Variants in KANK1 observed in about 807,000 individuals in gnomAD.
KANK1 encodes KN motif and ankyrin repeat domain-containing protein 1.
Under a neutral mutation model 106.2 loss-of-function variants are expected in KANK1, and 109 were observed. The ratio of observed to expected loss-of-function variants is 1.03; its 90% CI spans 0.88 to 1.20. The LOEUF is 1.20. Among genes scored for constraint, KANK1 ranks in the 50% most tolerant of loss-of-function variants. KANK1 has a pLI of 0.00. For missense variants in KANK1, 2,399 were observed against 1,710.7 expected (o/e 1.40, Z -7.10); for synonymous variants, 873 against 652.2 (o/e 1.34, Z -5.16).
chr9:577,473 A>T (rs182065108), intron 1 of KANK1, among the ~76,000 whole-genome samples: 32 of 151,812 alleles, frequency 2.1e-4, no homozygotes, highest in African/African-American at 4.1e-4. Flanking sequence ...CTTTAGCTAG[A>T]CACAGAGTGC....
chr9:515,869 CCT>C (rs1171062607), intron 1 of KANK1, among the ~76,000 whole-genome samples: 1 of 151,744 alleles, frequency 6.6e-6, no homozygotes, highest in African/African-American at 2.4e-5. Flanking sequence ...TTCAAGGAAA[CCT>C]CACGTGTGGT....
intron 1 of KANK1, among the ~76,000 whole-genome samples, chr9:513,078 A>G (rs1026534105): frequency 6.6e-6 from 1 of 152,224 alleles, no homozygotes; most frequent in Non-Finnish European, 1.5e-5. Flanking sequence ...GCTCTTGTTA[A>G]AACACTCCAG....
chr9:578,159 A>T (rs972532787), intron 1 of KANK1, among the ~76,000 whole-genome samples: 1 of 152,244 alleles, frequency 6.6e-6, no homozygotes, highest in Admixed American at 6.5e-5. Flanking sequence ...AGGACTCCTC[A>T]GAAAATTGCT....
At chr9:512,389 T>A (rs981265671) in intron 1 of KANK1, among the ~76,000 whole-genome samples, 2 of 152,120 alleles carry the variant, frequency 1.3e-5, no homozygotes, top group Non-Finnish European at 2.9e-5. Context: ...GGAGGTCTGC[T>A]GGAGAATTCC....
intron 1 of KANK1, among the ~76,000 whole-genome samples, chr9:675,567 A>G (rs1816248021): frequency 6.6e-6 from 1 of 151,974 alleles, no homozygotes; most frequent in South Asian, 2.1e-4. Flanking sequence ...TATTATGGTA[A>G]TCTCAGGTAA....
At chr9:509,219 T>C (rs2058919626) in intron 1 of KANK1, among the ~76,000 whole-genome samples, 1 of 152,158 alleles carries the variant, frequency 6.6e-6, no homozygotes, top group South Asian at 2.1e-4. Context: ...TGCCTCAGCC[T>C]CCCGATTAGC....
chr9:741,258 CCTGTCTCTGTGTTGTACTGT>C (rs1201491615), intron 9 of KANK1, among the ~76,000 whole-genome samples: 9 of 152,104 alleles, frequency 5.9e-5, no homozygotes, highest in Non-Finnish European at 1.5e-5. Context: ...ACTGTTGCTT[CCTGTCTCTGTGTTGTACTGT>C]CTTCATAGCA....
At chr9:500,029 TAGAG>T (rs1195373545), upstream of KANK1, among the ~76,000 whole-genome samples, 2 of 152,212 alleles carry the variant, frequency 1.3e-5, no homozygotes, top group African/African-American at 4.8e-5. Context: ...TTCCTTCTGG[TAGAG>T]AGAGAACATC....
rs558963778 is a variant in KANK1, at chr9:695,288, G to A, written c.38-15516G>A. Among the ~76,000 whole-genome samples the A allele has an allele frequency of 9.8e-5, 15 of 152,310 alleles. 1 individual carries two copies. Among genetic ancestry groups the A allele is most frequent in the South Asian group, 8.3e-4 (4 of 4,820 alleles). Reference sequence around the variant, plus strand: ...GGGAGAGCTGCAGAATGAGTGTTCAGAATAATCGGCACTCACCTTTGCCCT... The same window carrying A: ...GGGAGAGCTGCAGAATGAGTGTTCAAAATAATCGGCACTCACCTTTGCCCT... On this transcript the variant is annotated intron_variant, in intron 2 of 11. Coordinates refer to ENST00000382297, the MANE Select transcript of KANK1 (RefSeq NM_015158.5).
chr9:494,382 A>T (rs2058426705), intron 3 of KANK1, among the ~76,000 whole-genome samples: 1 of 152,176 alleles, frequency 6.6e-6, no homozygotes, highest in Admixed American at 6.5e-5. Flanking sequence ...ATACCAATAG[A>T]GTACAAGATT....
intron 1 of KANK1, among the ~76,000 whole-genome samples, chr9:515,725 G>T (rs2059251794): frequency 2.0e-5 from 3 of 151,756 alleles, no homozygotes; most frequent in Non-Finnish European, 4.4e-5. Context: ...AAGAAAACTT[G>T]AGATCCTGAT....
rs1206002421 is a variant in KANK1 at position 620,419 on chromosome 9, A to G, written c.-83-56471A>G. The stretch of plus-strand genomic sequence containing the variant: ...TGATAATTATAATTTTTTTTTTTGG[A>G]ACGGAGTCTCGCACTGTCACCCGGG... On this transcript the variant is annotated intron_variant, in intron 1 of 11. Transcript: ENST00000382297. 9.2e-5 allele frequency among the ~76,000 whole-genome samples: 14 copies of G among 151,794 alleles called. No homozygotes were observed. The East Asian group carries it at 2.5e-3, about 27-fold the overall frequency.
intron 10 of KANK1, among the ~76,000 whole-genome samples, chr9:743,761 T>C (rs541992781): frequency 7.9e-5 from 12 of 152,210 alleles, no homozygotes; most frequent in African/African-American, 2.9e-4. Context: ...ACCGTGGTGG[T>C]TGAGGCAGGA....
chr9:504,134 G>A (rs2058622260), upstream of KANK1, among the ~76,000 whole-genome samples: 1 of 152,148 alleles, frequency 6.6e-6, no homozygotes. Flanking sequence ...GTACAGAGGC[G>A]CTGGGGGAGG....
At chr9:493,047 A>T (rs1006425127) in intron 3 of KANK1, among the ~76,000 whole-genome samples, 4 of 148,992 alleles carry the variant, frequency 2.7e-5, no homozygotes, top group Admixed American at 6.7e-5. Context: ...AAAAAAAAAG[A>T]AAAGAAAACC....
chr9:620,591 G>C (rs1034785831), intron 1 of KANK1, among the ~76,000 whole-genome samples: 2 of 151,928 alleles, frequency 1.3e-5, no homozygotes, highest in African/African-American at 4.8e-5. Context: ...TTTTTTAGTA[G>C]AGATGGGGTT....
intron 1 of KANK1, among the ~76,000 whole-genome samples, chr9:581,202 C>T (rs1822053539): frequency 6.6e-6 from 1 of 152,218 alleles, no homozygotes; most frequent in African/African-American, 2.4e-5. Flanking sequence ...CGGCCTCGGC[C>T]AGCCCAGAGA....
chr9:509,287 G>A (rs554884991), intron 1 of KANK1, among the ~76,000 whole-genome samples: 3 of 152,170 alleles, frequency 2.0e-5, no homozygotes, highest in Non-Finnish European at 2.9e-5. Context: ...TAGTAGACAC[G>A]GGGTTTCACC....
intron 3 of KANK1, chr9:478,041 G>T: frequency 1.2e-5 from 2 of 172,080 alleles, no homozygotes; most frequent in South Asian, 2.7e-4. Context: ...CAATGAAACT[G>T]ACCATTCAGA....
Sources: gnomAD v4.1 joint callset for allele counts (sites outside exome capture counted in the v4.1 genomes callset) on GRCh38, gnomAD v4.1.1 for gene constraint, MANE v1.5 for transcripts, NCBI Gene and HGNC (gene_info 2026-07-23, HGNC 2026-07-21) for gene names.